Variants in TRIM33 observed in about 807,000 individuals in gnomAD.
TRIM33 encodes E3 ubiquitin-protein ligase TRIM33.
A neutral mutation model predicts 125.4 loss-of-function variants in TRIM33; 20 were observed. The ratio of observed to expected loss-of-function variants is 0.16; its 90% CI spans 0.11 to 0.23. The LOEUF is 0.23. Among genes scored for constraint, TRIM33 ranks in the 10% least tolerant of loss-of-function variants. The pLI is 1.00. For missense variants in TRIM33, 920 were observed against 1,411.4 expected, an observed-to-expected ratio of 0.65 and a Z score of 5.58; for synonymous variants, 564 against 513.9, an observed-to-expected ratio of 1.10 and a Z score of -1.32.
At position 114,485,940 on chromosome 1, in the gene TRIM33, T is replaced by C. The variant is rs972782835; in HGVS notation, c.527-21552A>G. 8.5e-5 allele frequency among the ~76,000 whole-genome samples: 13 copies of C among 152,148 alleles called. No homozygotes were observed. The East Asian group carries it at 1.5e-3, about 18-fold the overall frequency. On this transcript the variant is annotated intron_variant, in intron 1 of 19. Coordinates refer to ENST00000358465, the MANE Select transcript of TRIM33 (RefSeq NM_015906.4). ...GATCAGATATCACATATTAGAAACA[T>C]CTGACAAAGTCTTTAAGGGAACCAT... is the stretch of plus-strand genomic sequence containing the variant.
intron 4 of TRIM33, among the ~76,000 whole-genome samples, chr1:114,439,519 C>T (rs1356622757): frequency 7.9e-6 from 1 of 125,986 alleles, no homozygotes; most frequent in Non-Finnish European, 1.7e-5. Context: ...TAATCCTACC[C>T]AAAATGAAGC....
At chr1:114,409,801 T>C (rs1045886111) in intron 12 of TRIM33, among the ~76,000 whole-genome samples, 1 of 152,212 alleles carries the variant, frequency 6.6e-6, no homozygotes, top group Non-Finnish European at 1.5e-5. Flanking sequence ...ATGGGATTAA[T>C]TAACATTTCA....
Position 114,501,398 on chromosome 1 carries a change from T to C in TRIM33, c.526+9153A>G, listed in dbSNP as rs549664657. ...GGTCTTTGCAGAAGACCTCAATTTTTCTCCATATGGCCTCTTTAAAGGACT... is the reference window on the plus strand; with the variant it reads ...GGTCTTTGCAGAAGACCTCAATTTTCCTCCATATGGCCTCTTTAAAGGACT... On this transcript the variant is annotated intron_variant, in intron 1 of 19. Transcript: ENST00000358465. 2.0e-5 allele frequency among the ~76,000 whole-genome samples: 3 copies of C among 152,214 alleles called. No individual in the cohort carries two copies. The East Asian group carries it at 5.8e-4, about 29-fold the overall frequency.
At chr1:114,425,796 T>C in intron 8 of TRIM33, 73 bp from the exon 9 acceptor site, 1 of 1,075,784 alleles carries the variant, frequency 9.3e-7, no homozygotes, top group South Asian at 1.6e-5. Flanking sequence ...ATCACCATGT[T>C]TTCCTCTTTC....
intron 1 of TRIM33, among the ~76,000 whole-genome samples, chr1:114,474,169 G>C (rs1650831831): frequency 6.6e-6 from 1 of 151,998 alleles, no homozygotes; most frequent in African/African-American, 2.4e-5. Context: ...CCAAAGTGCT[G>C]GGATTACAGG....
intron 11 of TRIM33, among the ~76,000 whole-genome samples, chr1:114,415,508 T>C (rs954698203): frequency 6.6e-6 from 1 of 152,160 alleles, no homozygotes; most frequent in Non-Finnish European, 1.5e-5. Context: ...TGCCTACTTA[T>C]CTTTCAAGTC....
chr1:114,401,711 G>A (rs1354047943), intron 16 of TRIM33, among the ~76,000 whole-genome samples: 1 of 152,148 alleles, frequency 6.6e-6, no homozygotes, highest in African/African-American at 2.4e-5. Context: ...ATGGAAGGGA[G>A]TCACAAAAGC....
At chr1:114,440,503 C>T (rs1424129932) in intron 4 of TRIM33, among the ~76,000 whole-genome samples, 1 of 152,056 alleles carries the variant, frequency 6.6e-6, no homozygotes, top group Non-Finnish European at 1.5e-5. Flanking sequence ...AATACATGTA[C>T]TCTATTTAAA....
chr1:114,409,882 CT>C (rs1200268388), intron 12 of TRIM33, among the ~76,000 whole-genome samples: 1 of 151,994 alleles, frequency 6.6e-6, no homozygotes, highest in African/African-American at 2.4e-5. Context: ...AGGTAAAGCC[CT>C]TTTAAGAGAG....
At chr1:114,489,975 C>A (rs1177350142) in intron 1 of TRIM33, among the ~76,000 whole-genome samples, 2 of 149,906 alleles carry the variant, frequency 1.3e-5, no homozygotes, top group African/African-American at 4.9e-5. Context: ...TCAGGGCTGG[C>A]CATGGTGGCT....
chr1:114,440,838 A>G (rs1465971206), intron 4 of TRIM33, among the ~76,000 whole-genome samples: 1 of 152,202 alleles, frequency 6.6e-6, no homozygotes, highest in Non-Finnish European at 1.5e-5. Context: ...GGAATTCCAG[A>G]AGAAGGACCA....
At chr1:114,492,749 T>C (rs1652146196) in intron 1 of TRIM33, among the ~76,000 whole-genome samples, 1 of 152,224 alleles carries the variant, frequency 6.6e-6, no homozygotes, top group South Asian at 2.1e-4. Context: ...GTATCGGAAA[T>C]TCATTCCTTT....
At chr1:114,401,049 T>C (rs1450627155) in intron 17 of TRIM33, among the ~76,000 whole-genome samples, 3 of 151,428 alleles carry the variant, frequency 2.0e-5, no homozygotes, top group Non-Finnish European at 4.4e-5. Context: ...TTTTCTTTTT[T>C]TTTTTGAGAC....
Position 114,427,781 on chromosome 1 carries a change from G to C in TRIM33, c.1269C>G (p.Gly423=). 1 of 1,614,122 alleles carries C rather than the reference G, an allele frequency of 6.2e-7. No homozygotes were observed. The highest frequency in any genetic ancestry group is 8.5e-7 in the Non-Finnish European group (1 of 1,179,984). ...TGCTGTATAGTAGTGCTGTGCTGCT[G>C]CCACTTGCAATTGCCCAATTTGTGA... is the stretch of plus-strand genomic sequence containing the variant. The part of the protein sequence containing the change: ...MNFTNWAIAS[G]SSTALLYSKR... Residue 423 remains glycine (G), a synonymous_variant, in exon 7 of 20, where the codon GGC becomes GGG. Coordinates refer to ENST00000358465, the MANE Select transcript of TRIM33 (RefSeq NM_015906.4).
intron 1 of TRIM33, among the ~76,000 whole-genome samples, chr1:114,506,921 G>A (rs748380080): frequency 1.3e-5 from 2 of 152,154 alleles, no homozygotes; most frequent in Non-Finnish European, 2.9e-5. Context: ...GGCACATGGA[G>A]TCATCACCAA....
intron 1 of TRIM33, among the ~76,000 whole-genome samples, chr1:114,509,313 T>C (rs1384667107): frequency 1.3e-5 from 2 of 152,222 alleles, no homozygotes; most frequent in Non-Finnish European, 2.9e-5. Context: ...TTTTAATTTT[T>C]TTCATTGGTT....
chr1:114,505,351 C>G (rs539480836), intron 1 of TRIM33, among the ~76,000 whole-genome samples: 1 of 152,078 alleles, frequency 6.6e-6, no homozygotes, highest in African/African-American at 2.4e-5. Context: ...CCAGTTAAGT[C>G]ACACTGAGGC....
intron 4 of TRIM33, among the ~76,000 whole-genome samples, chr1:114,451,393 G>C (rs1224474167): frequency 8.3e-6 from 1 of 121,074 alleles, no homozygotes; most frequent in African/African-American, 3.3e-5. Flanking sequence ...AAAAAAAAAA[G>C]GACTGAAATC....
intron 1 of TRIM33, among the ~76,000 whole-genome samples, chr1:114,493,402 T>G (rs1003177699): frequency 6.6e-6 from 1 of 152,192 alleles, no homozygotes; most frequent in African/African-American, 2.4e-5. Context: ...CAAGTCCGAC[T>G]TACTATTTTT....
Sources: gnomAD v4.1 joint callset for allele counts (sites outside exome capture counted in the v4.1 genomes callset) on GRCh38, gnomAD v4.1.1 for gene constraint, MANE v1.5 for transcripts, NCBI Gene and HGNC (gene_info 2026-07-23, HGNC 2026-07-21) for gene names.